Variants in CHN1 observed in about 807,000 individuals in gnomAD.
CHN1 encodes N-chimaerin.
CHN1 carries 37 observed loss-of-function variants against 59.5 expected under a neutral mutation model. The ratio of observed to expected loss-of-function variants is 0.62; its 90% CI spans 0.48 to 0.82. The LOEUF (loss-of-function observed/expected upper bound fraction) is 0.82, where lower values mean the gene tolerates loss of function less well. Ranked by LOEUF, CHN1 falls within the 40% of genes least tolerant of loss-of-function variation. The probability of loss-of-function intolerance (pLI) is 0.00; values close to 1 mark genes in which losing one functional copy is unlikely to be tolerated. For synonymous variants in CHN1, 206 were observed against 200.4 expected, an observed-to-expected ratio of 1.03 and a Z score of -0.24; for missense variants, 469 against 571.0, an observed-to-expected ratio of 0.82 and a Z score of 1.82.
chr2:174,893,940 G>A (rs1416221961), intron 5 of CHN1, among the ~76,000 whole-genome samples: 2 of 152,040 alleles, frequency 1.3e-5, no homozygotes, highest in South Asian at 2.1e-4. Context: ...GGAATCATCT[G>A]TATACACCAT....
At chr2:174,810,927 T>C (rs1370667377) in intron 10 of CHN1, 4 of 152,262 alleles carry the variant, frequency 2.6e-5, no homozygotes, top group East Asian at 3.8e-4. Context: ...TGGAGAGCCA[T>C]GGAAGCAAAT....
In CHN1 at chr2:175,004,900, G is replaced by C. The variant is rs893865277; in HGVS notation, c.13C>G (p.Leu5Val). The C allele has an allele frequency of 9.1e-6, 14 of 1,530,546 alleles. No individual in the cohort carries two copies. The highest frequency in any genetic ancestry group is 1.2e-5 in the Non-Finnish European group (14 of 1,142,680). 94.8% of individuals were successfully genotyped at this position (1,530,546 alleles called of 1,614,324 possible). A position where few individuals can be genotyped will look rare whatever the true frequency, so the allele number is the denominator to read the frequency against. The change falls in exon 1 of 13, where the codon CTG (leucine) becomes GTG (valine). Residue 5 changes from leucine to valine, a missense_variant. Physicochemically the swap from Leu to Val is conservative, Grantham distance 32. Transcript: ENST00000409900. ...GGGAGACGGCTGCACTTACCAAACA[G>C]GGTCAGGGCCATTGTAAAGGCGCTC... is the stretch of plus-strand genomic sequence containing the variant. MALT[L>V]FDTDEYRPPV...
intron 5 of CHN1, among the ~76,000 whole-genome samples, chr2:174,898,561 G>A (rs1432855884): frequency 3.3e-5 from 5 of 152,002 alleles, no homozygotes; most frequent in East Asian, 1.9e-4. Flanking sequence ...CCAAGATCGC[G>A]CCACTGCACT....
intron 1 of CHN1, among the ~76,000 whole-genome samples, chr2:174,966,288 T>C (rs563775433): frequency 1.3e-5 from 2 of 152,252 alleles, no homozygotes; most frequent in South Asian, 2.1e-4. Context: ...AGACAATTAT[T>C]TTTAATTCTT....
At chr2:174,887,434 T>C (rs1027070376) in intron 5 of CHN1, among the ~76,000 whole-genome samples, 1 of 152,296 alleles carries the variant, frequency 6.6e-6, no homozygotes, top group African/African-American at 2.4e-5. Flanking sequence ...TTGAGTGTTA[T>C]ATCCTAGGCA....
At position 174,860,729 on chromosome 2, in the gene CHN1, C is replaced by T. The variant is rs1687044745; in HGVS notation, c.550-13772G>A. Reference sequence around the variant, plus strand: ...TTGCACCGTATTTTTGTCCCATAATCACATTTTCTAACAAAAGTTGAATTT... The same window carrying T: ...TTGCACCGTATTTTTGTCCCATAATTACATTTTCTAACAAAAGTTGAATTT... On this transcript the variant is annotated intron_variant, in intron 6 of 12. Coordinates refer to ENST00000409900, the MANE Select transcript of CHN1 (RefSeq NM_001822.7). 2.6e-5 allele frequency among the ~76,000 whole-genome samples: 4 copies of T among 152,156 alleles called. No homozygotes were observed. The South Asian group carries it at 8.3e-4, about 32-fold the overall frequency.
chr2:174,846,238 T>C, intron 7 of CHN1: 2 of 1,497,492 alleles, frequency 1.3e-6, no homozygotes, highest in Non-Finnish European at 1.8e-6. Context: ...TCAACACACA[T>C]ATCACCTTGA....
chr2:174,990,007 G>T (rs923539514), intron 1 of CHN1, among the ~76,000 whole-genome samples: 3 of 151,954 alleles, frequency 2.0e-5, no homozygotes, highest in African/African-American at 7.3e-5. Context: ...TCAAAAAAAA[G>T]TTTAAAAATT....
At chr2:174,882,918 G>A (rs561032699) in intron 5 of CHN1, among the ~76,000 whole-genome samples, 12 of 152,174 alleles carry the variant, frequency 7.9e-5, no homozygotes, top group East Asian at 1.9e-4. Context: ...AGAGAGCATA[G>A]TTATATACAA....
chr2:174,959,989 G>A (rs892353059), intron 1 of CHN1, among the ~76,000 whole-genome samples: 8 of 152,174 alleles, frequency 5.3e-5, no homozygotes, highest in Admixed American at 5.2e-4. Flanking sequence ...ATGATGGGAA[G>A]GAAGAGCAAT....
intron 5 of CHN1, among the ~76,000 whole-genome samples, chr2:174,896,522 TAATA>T (rs1688221393): frequency 6.6e-6 from 1 of 152,176 alleles, no homozygotes; most frequent in Non-Finnish European, 1.5e-5. Flanking sequence ...TATATGAACT[TAATA>T]TATATCTTTC....
At chr2:174,909,885 T>G (rs1688642032) in intron 5 of CHN1, among the ~76,000 whole-genome samples, 1 of 152,162 alleles carries the variant, frequency 6.6e-6, no homozygotes, top group Non-Finnish European at 1.5e-5. Context: ...AAGGGTCCCT[T>G]TTGCGATATA....
chr2:174,831,318 G>A (rs188576858), intron 7 of CHN1, among the ~76,000 whole-genome samples: 2 of 152,114 alleles, frequency 1.3e-5, no homozygotes, highest in African/African-American at 4.8e-5. Flanking sequence ...ATGTTTTTGA[G>A]GGAGAAGTAT....
chr2:174,895,360 G>A (rs1288086259), intron 5 of CHN1, among the ~76,000 whole-genome samples: 4 of 151,884 alleles, frequency 2.6e-5, no homozygotes, highest in African/African-American at 2.4e-5. Flanking sequence ...CCACTTATAC[G>A]GATATCTAGA....
At chr2:174,934,643 G>T (rs375886846) in intron 3 of CHN1, among the ~76,000 whole-genome samples, 3 of 152,190 alleles carry the variant, frequency 2.0e-5, no homozygotes, top group African/African-American at 7.2e-5. Context: ...CAGAAATTCC[G>T]AAATATTTCA....
chr2:174,905,539 A>G (rs1688519257), intron 5 of CHN1, among the ~76,000 whole-genome samples: 1 of 152,150 alleles, frequency 6.6e-6, no homozygotes, highest in East Asian at 1.9e-4. Context: ...ACTAGTGAAT[A>G]AAAACCATGC....
chr2:174,975,638 A>C (rs1232978656), intron 1 of CHN1, among the ~76,000 whole-genome samples: 4 of 148,850 alleles, frequency 2.7e-5, no homozygotes, highest in Admixed American at 6.6e-5. Flanking sequence ...TTAGCCAGGC[A>C]AAAAAAACAA....
At chr2:174,901,582 A>G (rs1447272978) in intron 5 of CHN1, among the ~76,000 whole-genome samples, 2 of 152,176 alleles carry the variant, frequency 1.3e-5, no homozygotes. Flanking sequence ...TCTACCTAAT[A>G]AACTGTTAAG....
intron 1 of CHN1, among the ~76,000 whole-genome samples, chr2:174,971,583 A>T (rs1690760797): frequency 1.3e-5 from 2 of 152,210 alleles, no homozygotes; most frequent in Admixed American, 6.5e-5. Context: ...GAACACTTAC[A>T]ATGTGCCAGT....
Sources: allele counts gnomAD v4.1 joint callset (sites outside exome capture counted in the v4.1 genomes callset), GRCh38; gene constraint gnomAD v4.1.1; transcripts MANE v1.5; gene names NCBI Gene and HGNC (gene_info 2026-07-23, HGNC 2026-07-21).